The following CDH18 variants were observed in gnomAD, a reference collection of about 807,000 sequenced individuals.
The protein encoded by CDH18 is cadherin-18.
A neutral mutation model predicts 67.9 loss-of-function variants in CDH18; 31 were observed. The observed-to-expected ratio is 0.46, with a 90% confidence interval of 0.34 to 0.62. The LOEUF is 0.62. Ranked by LOEUF, CDH18 falls within the 20% of genes least tolerant of loss-of-function variation. CDH18 has a pLI of 0.01. For synonymous variants in CDH18, 362 were observed against 347.2 expected (o/e 1.04, Z -0.48); for missense variants, 890 against 975.5 (o/e 0.91, Z 1.17).
chr5:20,151,829 T>C (rs1488985142), intron 2 of CDH18, among the ~76,000 whole-genome samples: 2 of 151,996 alleles, frequency 1.3e-5, no homozygotes, highest in Admixed American at 6.6e-5. Flanking sequence ...AGAAATGGTC[T>C]CAGTAGAATC....
chr5:19,900,459 T>A (rs1452258604), intron 2 of CDH18, among the ~76,000 whole-genome samples: 1 of 151,804 alleles, frequency 6.6e-6, no homozygotes, highest in Non-Finnish European at 1.5e-5. Context: ...TGTATACATG[T>A]ATCAAACCCT....
At chr5:20,248,129 T>C (rs1009025414) in intron 2 of CDH18, among the ~76,000 whole-genome samples, 9 of 152,180 alleles carry the variant, frequency 5.9e-5, no homozygotes, top group African/African-American at 9.7e-5. Flanking sequence ...TGAAGTCTCA[T>C]AGAAGGTTAC....
intron 2 of CDH18, among the ~76,000 whole-genome samples, chr5:20,225,940 T>C (rs1741592060): frequency 6.6e-6 from 1 of 152,044 alleles, no homozygotes; most frequent in Admixed American, 6.6e-5. Context: ...GGGACCTGTT[T>C]ATGATCTTTC....
intron 3 of CDH18, among the ~76,000 whole-genome samples, chr5:19,809,590 TAGG>T (rs1340673118): frequency 4.6e-5 from 7 of 152,178 alleles, no homozygotes; most frequent in African/African-American, 1.7e-4. Context: ...TTGTGGTTAT[TAGG>T]AGTTCTTGGT....
At chr5:19,592,695 T>A (rs1745363376) in intron 6 of CDH18, among the ~76,000 whole-genome samples, 1 of 152,148 alleles carries the variant, frequency 6.6e-6, no homozygotes, top group African/African-American at 2.4e-5. Context: ...TAATATGAGA[T>A]CCATCCGATA....
chr5:19,972,132 T>C (rs995439242), intron 2 of CDH18, among the ~76,000 whole-genome samples: 3 of 151,236 alleles, frequency 2.0e-5, no homozygotes, highest in African/African-American at 7.4e-5. Context: ...CAAACCTGAT[T>C]CATGCTTTAA....
At chr5:20,180,848 C>T (rs1737631493) in intron 2 of CDH18, among the ~76,000 whole-genome samples, 1 of 151,998 alleles carries the variant, frequency 6.6e-6, no homozygotes. Flanking sequence ...GGCCAGATCC[C>T]GCGATAGACA....
intron 1 of CDH18, among the ~76,000 whole-genome samples, chr5:20,548,746 G>C (rs575977936): frequency 1.3e-5 from 2 of 152,242 alleles, no homozygotes; most frequent in African/African-American, 4.8e-5. Flanking sequence ...TTACTTGTCA[G>C]TTGAAATTGT....
At chr5:20,539,294 T>C (rs1382933080) in intron 1 of CDH18, among the ~76,000 whole-genome samples, 1 of 152,148 alleles carries the variant, frequency 6.6e-6, no homozygotes, top group Non-Finnish European at 1.5e-5. Context: ...AATCATCGTC[T>C]GTGAGAAACT....
chr5:20,429,963 T>C (rs1174814624), intron 1 of CDH18, among the ~76,000 whole-genome samples: 1 of 152,178 alleles, frequency 6.6e-6, no homozygotes, highest in South Asian at 2.1e-4. Context: ...TACAAGTATT[T>C]CCCAGGAAGC....
intron 1 of CDH18, among the ~76,000 whole-genome samples, chr5:20,399,431 A>C (rs2150127137): frequency 6.6e-6 from 1 of 152,334 alleles, no homozygotes; most frequent in East Asian, 1.9e-4. Context: ...AGCCTGAGGT[A>C]GAATTAATAT....
At chr5:20,204,447 C>A (rs1284131485) in intron 2 of CDH18, among the ~76,000 whole-genome samples, 6 of 151,818 alleles carry the variant, frequency 4.0e-5, no homozygotes, top group Non-Finnish European at 7.4e-5. Context: ...CAAACAATAC[C>A]TGAGAGAATT....
intron 2 of CDH18, among the ~76,000 whole-genome samples, chr5:20,210,940 A>C (rs1173505271): frequency 1.3e-5 from 2 of 152,076 alleles, no homozygotes; most frequent in Non-Finnish European, 2.9e-5. Context: ...TGAAAAAATA[A>C]TAAAAGTAAG....
intron 5 of CDH18, among the ~76,000 whole-genome samples, chr5:19,694,955 C>T (rs955632206): frequency 2.0e-5 from 3 of 151,888 alleles, no homozygotes; most frequent in Admixed American, 1.3e-4. Flanking sequence ...TGAAAGCAGA[C>T]GTTTCCATAG....
intron 2 of CDH18, among the ~76,000 whole-genome samples, chr5:19,996,581 C>T (rs1736038394): frequency 6.6e-6 from 1 of 152,032 alleles, no homozygotes; most frequent in Non-Finnish European, 1.5e-5. Context: ...TAGTTCCTCA[C>T]TACCTTCTAA....
intron 2 of CDH18, among the ~76,000 whole-genome samples, chr5:19,937,655 T>A (rs1401422741): frequency 6.6e-6 from 1 of 151,200 alleles, no homozygotes; most frequent in Non-Finnish European, 1.5e-5. Context: ...ATACCTAGCC[T>A]CACTATGGGC....
At chr5:20,217,871 T>C (rs1466433215) in intron 2 of CDH18, among the ~76,000 whole-genome samples, 1 of 151,832 alleles carries the variant, frequency 6.6e-6, no homozygotes, top group Non-Finnish European at 1.5e-5. Context: ...GCTCTACTTA[T>C]AACAGACAAA....
Position 19,520,685 on chromosome 5 carries a change from A to C in CDH18, c.1484T>G (p.Ile495Ser). 6.2e-7 allele frequency: 1 copy of C among 1,613,248 alleles called. No homozygotes were observed. Among genetic ancestry groups the C allele is most frequent in the Non-Finnish European group, 8.5e-7 (1 of 1,179,560 alleles). ...PPELAREYDI[I>S]VCENSKPGQV... is the part of the protein sequence containing the mutation. Reference sequence around the variant, plus strand: ...GCCAGGCTTAGAATTTTCACATACAATAATATCATATTCCCTGGCAAGTTC... The same window carrying C: ...GCCAGGCTTAGAATTTTCACATACACTAATATCATATTCCCTGGCAAGTTC... Residue 495 changes from isoleucine to serine, a missense_variant, in exon 10 of 13, where the codon ATT becomes AGT. Around this residue, in one of 2 missense-constraint regions of CDH18, gnomAD observed 656 missense variants for 668.1 expected, o/e 0.98. Coordinates refer to ENST00000382275, the MANE Select transcript of CDH18 (RefSeq NM_004934.5).
rs1736285212 is a variant in CDH18, at chr5:20,304,912, A to C, written c.-579-49407T>G. On this transcript the variant is annotated intron_variant, in intron 1 of 14. Coordinates refer to the CDH18 transcript ENST00000507958. ...TTTAAAGATAGGTGTCAGATCACAG[A>C]GGGGGTTTGTATTCACGTGCTTCAC... The C allele has an allele frequency of 1.1e-5, 18 of 1,613,006 alleles. No individual in the cohort carries two copies. The South Asian group carries it at 1.9e-4, about 17-fold the overall frequency.
Sources: gnomAD v4.1 joint callset for allele counts (sites outside exome capture counted in the v4.1 genomes callset) on GRCh38, gnomAD v4.1.1 for gene constraint, gnomAD v4.1.1 regional missense constraint, MANE v1.5 for transcripts, NCBI Gene and HGNC (gene_info 2026-07-23, HGNC 2026-07-21) for gene names.